The following FYCO1 variants were observed in gnomAD, a reference collection of about 807,000 sequenced individuals.
The protein encoded by FYCO1 is FYVE and coiled-coil domain-containing protein 1.
In FYCO1, 122 loss-of-function variants were observed where a neutral mutation model predicts 165.1. The ratio of observed to expected loss-of-function variants is 0.74; its 90% CI spans 0.64 to 0.86. FYCO1 has a LOEUF of 0.86. Ranked by LOEUF, FYCO1 falls within the 40% of genes least tolerant of loss-of-function variation. The probability of loss-of-function intolerance (pLI) is 0.00; values close to 1 mark genes in which losing one functional copy is unlikely to be tolerated. For missense variants in FYCO1, 1,702 were observed against 1,810.3 expected (o/e 0.94, Z 1.09); for synonymous variants, 648 against 742.5 (o/e 0.87, Z 2.07).
At position 45,984,738 on chromosome 3, in the gene FYCO1, C is replaced by G. The variant is rs920904779; in HGVS notation, c.55+118G>C. 24 of 1,004,762 alleles carry G rather than the reference C, an allele frequency of 2.4e-5. No homozygotes were observed. The Admixed American group carries it at 3.5e-4, about 15-fold the overall frequency. The allele number at this position is 1,004,762 out of a possible 1,614,324, so 62.2% of individuals were successfully genotyped here. On this transcript the variant is annotated intron_variant, in intron 2 of 17. Transcript: ENST00000296137. ...ATTTCAATATGATGTGACCTGAGGA[C>G]TCCAATTACTCGTTGTGTGAACAAA...
At chr3:45,936,065 A>G (rs1037590605) in intron 15 of FYCO1, among the ~76,000 whole-genome samples, 1 of 152,242 alleles carries the variant, frequency 6.6e-6, no homozygotes, top group Non-Finnish European at 1.5e-5. Flanking sequence ...CTATATGCCA[A>G]AATGTTTTGC....
chr3:45,939,724 G>A (rs1353531860), intron 14 of FYCO1, among the ~76,000 whole-genome samples: 2 of 152,164 alleles, frequency 1.3e-5, no homozygotes, highest in Non-Finnish European at 2.9e-5. Flanking sequence ...GGCTCCCATC[G>A]TCCCTCTGGT....
At position 45,993,223 on chromosome 3, in the gene FYCO1, A is replaced by C. The variant is rs922186708; in HGVS notation, c.-113+2499T>G. ...TGCCACAGAGATCCAAGTGAACAGGAAGGACCACTGGAAGTTACTAAAATC... is the reference window on the plus strand; with the variant it reads ...TGCCACAGAGATCCAAGTGAACAGGCAGGACCACTGGAAGTTACTAAAATC... On this transcript the variant is annotated intron_variant, in intron 1 of 17. Transcript: ENST00000296137. The surrounding 1 kb of genome is among the most constrained non-coding windows in gnomAD (Gnocchi z 4.4). Among the ~76,000 whole-genome samples the C allele has an allele frequency of 1.2e-4, 19 of 152,170 alleles. No homozygotes were observed. The highest frequency in any genetic ancestry group is 4.3e-4 in the African/African-American group (18 of 41,432).
At chr3:45,933,322 G>A (rs370240293) in intron 15 of FYCO1, among the ~76,000 whole-genome samples, 3 of 152,220 alleles carry the variant, frequency 2.0e-5, no homozygotes, top group East Asian at 3.9e-4. Flanking sequence ...TGATGTTGTT[G>A]CTAATCCTTA....
At chr3:45,969,137 AT>A (rs1177321465) in intron 7 of FYCO1, among the ~76,000 whole-genome samples, 9 of 152,194 alleles carry the variant, frequency 5.9e-5, no homozygotes, top group African/African-American at 4.8e-5. Context: ...GATCATTTTA[AT>A]TTTTTTAATT....
Position 45,958,628 on chromosome 3 carries a change from A to C in FYCO1, c.3588-9T>G, listed in dbSNP as rs777248934. 1.9e-6 allele frequency: 3 copies of C among 1,613,620 alleles called. No individual in the cohort carries two copies. The highest frequency in any genetic ancestry group is 2.5e-6 in the Non-Finnish European group (3 of 1,179,596). On this transcript the variant is annotated splice_polypyrimidine_tract_variant and intron_variant, in intron 12 of 17. Transcript: ENST00000296137. ...AGATGCGGCCACATATCCTGGGAAC[A>C]AAACAAGCCCAGGCTGTGAGGATGA...
In FYCO1 at chr3:45,962,096, G is replaced by A; in HGVS notation, c.3437+129C>T. The A allele has an allele frequency of 2.0e-6, 2 of 1,001,606 alleles. No homozygotes were observed. Among genetic ancestry groups the A allele is most frequent in the Non-Finnish European group, 3.2e-6 (2 of 634,682 alleles). 62.0% of individuals were successfully genotyped at this position (1,001,606 alleles called of 1,614,324 possible). A position where few individuals can be genotyped will look rare whatever the true frequency, so the allele number is the denominator to read the frequency against. On this transcript the variant is annotated intron_variant, in intron 11 of 17. Transcript: ENST00000296137. This position sits in a 1 kb window ranked among gnomAD's most constrained non-coding sequence, Gnocchi z 4.4. ...GGAAAGTGAGATGGAGAAGGAGAGA[G>A]GGGCTCCTGAGACAGCAGCAAGAAA...
intron 8 of FYCO1, among the ~76,000 whole-genome samples, chr3:45,965,786 C>A (rs1013696540): frequency 7.9e-5 from 12 of 152,318 alleles, no homozygotes; most frequent in Admixed American, 2.6e-4. Flanking sequence ...CAAGTCAGGG[C>A]TCTCACACTC....
At chr3:45,953,171 G>T (rs1705125889) in intron 14 of FYCO1, among the ~76,000 whole-genome samples, 1 of 152,210 alleles carries the variant, frequency 6.6e-6, no homozygotes, top group South Asian at 2.1e-4. Flanking sequence ...GCAGCGTCAT[G>T]AAGATTAAAG....
chr3:45,955,082 C>T (rs531943792), intron 14 of FYCO1, among the ~76,000 whole-genome samples, 167 bp downstream of exon 14: 1 of 152,334 alleles, frequency 6.6e-6, no homozygotes, highest in Non-Finnish European at 1.5e-5. Context: ...TCAACACTGA[C>T]AACTTCCCGA....
At position 45,964,980 on chromosome 3, in the gene FYCO1, C is replaced by T; in HGVS notation, c.3150+53G>A. The T allele has an allele frequency of 6.7e-7, 1 of 1,489,172 alleles. No homozygotes were observed. The highest frequency in any genetic ancestry group is 9.4e-7 in the Non-Finnish European group (1 of 1,069,112). 92.2% of individuals were successfully genotyped at this position (1,489,172 alleles called of 1,614,324 possible). A position where few individuals can be genotyped will look rare whatever the true frequency, so the allele number is the denominator to read the frequency against. On this transcript the variant is annotated intron_variant, in intron 9 of 17. Coordinates refer to ENST00000296137, the MANE Select transcript of FYCO1 (RefSeq NM_024513.4). The surrounding 1 kb of genome is among the most constrained non-coding windows in gnomAD (Gnocchi z 4.1). ...AGGGAGCCCTCTTAAATGGTCCAGTCAAAACCACACCAGATGCCCTCTCCC... is the reference window on the plus strand; with the variant it reads ...AGGGAGCCCTCTTAAATGGTCCAGTTAAAACCACACCAGATGCCCTCTCCC...
chr3:45,991,146 T>C (rs1482651066), intron 1 of FYCO1, among the ~76,000 whole-genome samples: 1 of 152,246 alleles, frequency 6.6e-6, no homozygotes, highest in Non-Finnish European at 1.5e-5. Context: ...GAGCATAAAT[T>C]ATTTGTATGT....
chr3:45,967,403 G>C lies in FYCO1; in HGVS notation c.1931C>G (p.Ala644Gly), dbSNP rs1234929525. Residue 644 changes from alanine (A) to glycine (G), a missense_variant, in exon 8 of 18, where the codon GCC (alanine) becomes GGC (glycine). Physicochemically the swap from Ala to Gly is moderately conservative, Grantham distance 60. Coordinates refer to ENST00000296137, the MANE Select transcript of FYCO1 (RefSeq NM_024513.4). ...CCGCTGCTGCAAAGCCTGGTAATCG[G>C]CCTGCAGGGCTTGCAGCTTGCCCTC... ...LLEGKLQALQ[A>G]DYQALQQRES... 2 of 1,612,564 alleles carry C rather than the reference G, an allele frequency of 1.2e-6. No homozygotes were observed. Among genetic ancestry groups the C allele is most frequent in the Non-Finnish European group, 8.5e-7 (1 of 1,179,338 alleles).
chr3:45,931,303 G>C (rs372917206), intron 15 of FYCO1, 22 bp from the exon 16 acceptor site: 1 of 1,609,110 alleles, frequency 6.2e-7, no homozygotes, highest in African/African-American at 1.3e-5. Flanking sequence ...ATACAGAGAG[G>C]GACCTGATTG....
Position 45,983,006 on chromosome 3 carries a change from G to A in FYCO1, c.56-1330C>T, listed in dbSNP as rs919899151. On this transcript the variant is annotated intron_variant, in intron 2 of 17. Coordinates refer to ENST00000296137, the MANE Select transcript of FYCO1 (RefSeq NM_024513.4). ...GAACTCCTGAAACTTTGAAGGAGTAGACTCTGGATATGAAATATGAAATTT... is the reference window on the plus strand; with the variant it reads ...GAACTCCTGAAACTTTGAAGGAGTAAACTCTGGATATGAAATATGAAATTT... Among the ~76,000 whole-genome samples the A allele has an allele frequency of 2.6e-5, 4 of 152,318 alleles. No homozygotes were observed. In the South Asian group the frequency reaches 8.3e-4, roughly 32 times the overall value.
intron 13 of FYCO1, among the ~76,000 whole-genome samples, 199 bp downstream of exon 13, chr3:45,958,209 A>G (rs1705463773): frequency 6.6e-6 from 1 of 152,248 alleles, no homozygotes; most frequent in African/African-American, 2.4e-5. Flanking sequence ...GGGCAAAGTT[A>G]TTCCTTTTTC....
intron 13 of FYCO1, among the ~76,000 whole-genome samples, chr3:45,957,998 C>T (rs1309693994): frequency 6.6e-6 from 1 of 152,202 alleles, no homozygotes; most frequent in Non-Finnish European, 1.5e-5. Context: ...ATTACATCCT[C>T]CTTGGACATG....
chr3:45,968,947 C>T (rs1254339017), intron 7 of FYCO1, among the ~76,000 whole-genome samples: 1 of 152,216 alleles, frequency 6.6e-6, no homozygotes, highest in Non-Finnish European at 1.5e-5. Context: ...ACTTGCATTT[C>T]CCATCCAGCC....
At chr3:45,991,970 G>A (rs1707581541) in intron 1 of FYCO1, among the ~76,000 whole-genome samples, 1 of 152,204 alleles carries the variant, frequency 6.6e-6, no homozygotes, top group African/African-American at 2.4e-5. Context: ...CAGGGATGCG[G>A]AGCACAGAGG....
Sources: gnomAD v4.1 joint callset for allele counts (sites outside exome capture counted in the v4.1 genomes callset) on GRCh38, gnomAD v4.1.1 for gene constraint, Gnocchi (gnomAD v3.1) non-coding constraint, MANE v1.5 for transcripts, NCBI Gene and HGNC (gene_info 2026-07-23, HGNC 2026-07-21) for gene names.